Variants in MPDZ observed in about 807,000 individuals in gnomAD.
MPDZ encodes the protein multiple PDZ domain crumbs cell polarity complex component.
In MPDZ, 234 loss-of-function variants were observed where a neutral mutation model predicts 239.1. The observed-to-expected ratio is 0.98, with a 90% CI of 0.88 to 1.09. The LOEUF (loss-of-function observed/expected upper bound fraction) is 1.09. Among genes scored for constraint, MPDZ ranks in the 50% least tolerant of loss-of-function variants. The pLI is 0.00. For synonymous variants in MPDZ, 1,048 were observed against 881.3 expected (o/e 1.19, Z -3.35); for missense variants, 3,175 against 2,510.0 (o/e 1.26, Z -5.66).
intron 7 of MPDZ, among the ~76,000 whole-genome samples, chr9:13,219,975 T>C (rs768446607): frequency 4.6e-5 from 7 of 151,986 alleles, no homozygotes; most frequent in Non-Finnish European, 1.0e-4. Context: ...TCACATATAG[T>C]CTTTAAATCA....
At chr9:13,143,605 T>C (rs368386660) in intron 26 of MPDZ, 41 bp from the exon 27 acceptor site, 21 of 1,516,378 alleles carry the variant, frequency 1.4e-5, no homozygotes, top group Non-Finnish European at 1.8e-5. Context: ...AAAGGAAATG[T>C]ATTGAAAACA....
chr9:13,265,508 G>A (rs1411633343), intron 1 of MPDZ, among the ~76,000 whole-genome samples: 1 of 152,218 alleles, frequency 6.6e-6, no homozygotes, highest in African/African-American at 2.4e-5. Flanking sequence ...GGCAGAGGCT[G>A]CGGTAAGCCG....
chr9:13,154,407 C>G (rs1949570037), intron 24 of MPDZ, among the ~76,000 whole-genome samples: 2 of 152,246 alleles, frequency 1.3e-5, no homozygotes, highest in South Asian at 4.1e-4. Flanking sequence ...ACAGGTAAAA[C>G]ACAGCTCTGA....
At chr9:13,158,703 G>A (rs1482968304) in intron 23 of MPDZ, among the ~76,000 whole-genome samples, 1 of 152,148 alleles carries the variant, frequency 6.6e-6, no homozygotes, top group Admixed American at 6.6e-5. Flanking sequence ...AGTTTACAAC[G>A]CGTCTGTGTT....
intron 1 of MPDZ, among the ~76,000 whole-genome samples, chr9:13,266,300 A>C (rs530720254): frequency 2.0e-5 from 3 of 152,258 alleles, no homozygotes; most frequent in Non-Finnish European, 4.4e-5. Flanking sequence ...AGCATTTTGG[A>C]ATAATATTTA....
At chr9:13,248,814 A>T (rs1356634439) in intron 2 of MPDZ, among the ~76,000 whole-genome samples, 2 of 151,346 alleles carry the variant, frequency 1.3e-5, no homozygotes, top group East Asian at 3.9e-4. Context: ...CTAAAAAAAA[A>T]TAAAAAAAAT....
rs560348073 is a variant in MPDZ at position 13,130,747 on chromosome 9, C to A, written c.4464+3077G>T. Among the ~76,000 whole-genome samples the A allele has an allele frequency of 2.0e-5, 3 of 152,254 alleles. No homozygotes were observed. In the East Asian group the frequency reaches 5.8e-4, roughly 29 times the overall value. ...TATAAGTTAAAAGAAATCAGAAAGACCAAGTGATATAAACCAAGGCAAAGA... is the reference window on the plus strand; with the variant it reads ...TATAAGTTAAAAGAAATCAGAAAGAACAAGTGATATAAACCAAGGCAAAGA... On this transcript the variant is annotated intron_variant, in intron 32 of 46. Transcript: ENST00000319217.
rs184823626 is a variant in MPDZ, at chr9:13,195,918, C to G, written c.1656+203G>C. Among the ~76,000 whole-genome samples the G allele has an allele frequency of 3.4e-3, 518 of 152,072 alleles. 2 individuals are homozygous for G. Among genetic ancestry groups the G allele is most frequent in the African/African-American group, 0.012 (489 of 41,492 alleles). On this transcript the variant is annotated intron_variant, in intron 13 of 46. Coordinates refer to ENST00000319217, the MANE Select transcript of MPDZ (RefSeq NM_001378778.1). ...AAATGCAAGTTTCAAAACTTCCATC[C>G]CATTTATTTCAGTTCGTTACTATAT...
intron 1 of MPDZ, among the ~76,000 whole-genome samples, chr9:13,266,539 AT>A (rs894275373): frequency 1.3e-5 from 2 of 152,014 alleles, no homozygotes; most frequent in African/African-American, 4.8e-5. Flanking sequence ...GAAATCAACA[AT>A]TTTTTTTCAA....
At chr9:13,145,274 C>T (rs1289962376) in intron 26 of MPDZ, among the ~76,000 whole-genome samples, 3 of 151,982 alleles carry the variant, frequency 2.0e-5, no homozygotes, top group Non-Finnish European at 4.4e-5. Flanking sequence ...ATATTAACAA[C>T]GAAGAAGCAC....
intron 34 of MPDZ, among the ~76,000 whole-genome samples, chr9:13,125,824 C>CA (rs1364754157): frequency 6.6e-6 from 1 of 151,970 alleles, no homozygotes; most frequent in African/African-American, 2.4e-5. Context: ...AAGTATACAA[C>CA]AAAAAAGTCA....
intron 1 of MPDZ, among the ~76,000 whole-genome samples, chr9:13,251,978 C>G (rs557903558): frequency 6.6e-6 from 1 of 152,144 alleles, no homozygotes; most frequent in South Asian, 2.1e-4. Context: ...TTAAAACACA[C>G]TTACTCATTG....
chr9:13,193,122 T>C lies in MPDZ; in HGVS notation c.1803+45A>G, dbSNP rs751943609. The C allele has an allele frequency of 1.2e-5, 17 of 1,423,136 alleles. No homozygotes were observed. In the Admixed American group the frequency reaches 2.8e-4, roughly 23 times the overall value. 88.2% of individuals were successfully genotyped at this position (1,423,136 alleles called of 1,614,324 possible). On this transcript the variant is annotated intron_variant, in intron 14 of 46. Coordinates refer to ENST00000319217, the MANE Select transcript of MPDZ (RefSeq NM_001378778.1). ...CCACATTAAGCCTCCTGCAAGCTTT[T>C]CCATGTCTTATTTAAGGAGGAGAAG...
intron 1 of MPDZ, among the ~76,000 whole-genome samples, chr9:13,263,022 C>CT (rs567960142): frequency 6.6e-6 from 1 of 151,686 alleles, no homozygotes; most frequent in Non-Finnish European, 1.5e-5. Flanking sequence ...TTAGCTTTCT[C>CT]TTTTTTTTGT....
chr9:13,118,678 C>G (rs1352771566), intron 39 of MPDZ, among the ~76,000 whole-genome samples: 1 of 152,204 alleles, frequency 6.6e-6, no homozygotes, highest in Non-Finnish European at 1.5e-5. Context: ...TGCAAATCCC[C>G]TCTAGAAACT....
intron 32 of MPDZ, among the ~76,000 whole-genome samples, chr9:13,132,801 A>T (rs993526802): frequency 1.3e-5 from 2 of 152,166 alleles, no homozygotes; most frequent in African/African-American, 4.8e-5. Flanking sequence ...TCAAAGTCAC[A>T]GTCTCATAGA....
chr9:13,247,822 T>G lies in MPDZ; in HGVS notation c.17-21A>C, dbSNP rs761688696. ...TTTGTCTATACCAAAGAGCAGCATT[T>G]GTCAATAACAGGATTCAAAGGACAC... On this transcript the variant is annotated intron_variant, in intron 2 of 46. Coordinates refer to ENST00000319217, the MANE Select transcript of MPDZ (RefSeq NM_001378778.1). 9 of 1,577,150 alleles carry G rather than the reference T, an allele frequency of 5.7e-6. No individual in the cohort carries two copies. In the East Asian group the frequency reaches 2.0e-4, roughly 36 times the overall value.
chr9:13,126,276 A>C (rs911654095), intron 34 of MPDZ, among the ~76,000 whole-genome samples: 5 of 152,218 alleles, frequency 3.3e-5, no homozygotes, highest in African/African-American at 9.6e-5. Flanking sequence ...AAAAAATGGA[A>C]ATATTTATCA....
chr9:13,243,824 G>T (rs1965978249), intron 3 of MPDZ, among the ~76,000 whole-genome samples: 1 of 152,066 alleles, frequency 6.6e-6, no homozygotes, highest in Admixed American at 6.6e-5. Flanking sequence ...GAAAGTAAAT[G>T]AACTAAAAAC....
Sources: gnomAD v4.1 joint callset for allele counts (sites outside exome capture counted in the v4.1 genomes callset) on GRCh38, gnomAD v4.1.1 for gene constraint, MANE v1.5 for transcripts, NCBI Gene and HGNC (gene_info 2026-07-23, HGNC 2026-07-21) for gene names.